The following NCALD variants were observed in gnomAD, a reference collection of about 807,000 sequenced individuals.
The protein encoded by NCALD is neurocalcin delta.
A neutral mutation model predicts 18.6 loss-of-function variants in NCALD; 10 were observed. The ratio of observed to expected loss-of-function variants is 0.54; its 90% CI spans 0.33 to 0.91. The LOEUF (loss-of-function observed/expected upper bound fraction) is 0.91. Among genes scored for constraint, NCALD ranks in the 40% least tolerant of loss-of-function variants. The pLI is 0.03. For synonymous variants in NCALD, 88 were observed against 87.4 expected, an observed-to-expected ratio of 1.01 and a Z score of -0.04; for missense variants, 184 against 247.6, an observed-to-expected ratio of 0.74 and a Z score of 1.72.
chr8:102,080,361 CA>C (rs1342989621), intron 1 of NCALD, among the ~76,000 whole-genome samples: 4 of 152,176 alleles, frequency 2.6e-5, no homozygotes, highest in Admixed American at 1.3e-4. Flanking sequence ...CAGAATTACC[CA>C]AAAACAATAT....
chr8:101,779,748 TTTGA>T, intron 1 of NCALD, among the ~76,000 whole-genome samples: 1 of 152,166 alleles, frequency 6.6e-6, no homozygotes, highest in African/African-American at 2.4e-5. Flanking sequence ...GGTATTTTTG[TTTGA>T]TTATCTGCAG....
At chr8:101,872,633 T>C (rs1309185653) in intron 4 of NCALD, 1 of 453,326 alleles carries the variant, frequency 2.2e-6, no homozygotes, top group East Asian at 4.5e-5. Flanking sequence ...TGGCTGACCC[T>C]TGCAGATATG....
chr8:101,896,293 G>T (rs1308454600), intron 3 of NCALD, among the ~76,000 whole-genome samples: 13 of 151,960 alleles, frequency 8.6e-5, no homozygotes, highest in Non-Finnish European at 2.9e-5. Context: ...AAGTGGTGCT[G>T]GGAAAACTGG....
chr8:102,025,019 T>C (rs1822403924), intron 1 of NCALD, among the ~76,000 whole-genome samples: 2 of 152,186 alleles, frequency 1.3e-5, no homozygotes, highest in Non-Finnish European at 1.5e-5. Context: ...AACCATTATG[T>C]CTTTTTCAAG....
chr8:101,726,783 A>G (rs1012350385), intron 1 of NCALD, among the ~76,000 whole-genome samples: 17 of 152,210 alleles, frequency 1.1e-4, no homozygotes, highest in Non-Finnish European at 2.5e-4. Context: ...TTTACAGCCA[A>G]GGACTGAATG....
At chr8:101,837,616 T>C (rs915693376) in intron 4 of NCALD, among the ~76,000 whole-genome samples, 24 of 152,320 alleles carry the variant, frequency 1.6e-4, no homozygotes, top group African/African-American at 5.3e-4. Context: ...GGAATCACCA[T>C]TATTCTCCAC....
intron 3 of NCALD, among the ~76,000 whole-genome samples, chr8:101,900,623 T>G (rs1435324892): frequency 1.3e-5 from 2 of 152,050 alleles, no homozygotes; most frequent in East Asian, 3.8e-4. Flanking sequence ...AGATTCTATT[T>G]GAAAGTTTGT....
At chr8:102,017,990 G>T (rs906320812) in intron 2 of NCALD, among the ~76,000 whole-genome samples, 6 of 152,154 alleles carry the variant, frequency 3.9e-5, no homozygotes, top group African/African-American at 7.2e-5. Context: ...GACATGAAAA[G>T]GTGTTCAATG....
At chr8:101,985,234 C>CCAGTGGCTG (rs1820764039) in intron 2 of NCALD, among the ~76,000 whole-genome samples, 1 of 152,142 alleles carries the variant, frequency 6.6e-6, no homozygotes, top group Admixed American at 6.5e-5. Context: ...CCACCCCCAG[C>CCAGTGGCTG]CCAAGCTCCC....
intron 1 of NCALD, among the ~76,000 whole-genome samples, chr8:102,035,145 A>T (rs75942048): frequency 0.072 from 10,909 of 152,226 alleles, 514 homozygotes; most frequent in East Asian, 0.12. Context: ...CGCCCAGTGC[A>T]TGGGCCCCAC....
chr8:101,889,325 A>G (rs1046544749), intron 3 of NCALD, among the ~76,000 whole-genome samples: 2 of 152,232 alleles, frequency 1.3e-5, no homozygotes, highest in African/African-American at 4.8e-5. Flanking sequence ...GCCACTGTAG[A>G]AGGATTCTTG....
chr8:102,111,622 A>G (rs1209704871), intron 1 of NCALD, among the ~76,000 whole-genome samples: 1 of 152,200 alleles, frequency 6.6e-6, no homozygotes, highest in Non-Finnish European at 1.5e-5. Flanking sequence ...AAAGTTTTAA[A>G]TAACAACACG....
chr8:101,864,524 C>T (rs956388884), intron 4 of NCALD, among the ~76,000 whole-genome samples: 1 of 151,384 alleles, frequency 6.6e-6, no homozygotes, highest in Non-Finnish European at 1.5e-5. Flanking sequence ...ACAGGATCTT[C>T]ATAAAGACTC....
At chr8:102,057,754 C>T (rs929836717) in intron 1 of NCALD, among the ~76,000 whole-genome samples, 3 of 152,244 alleles carry the variant, frequency 2.0e-5, no homozygotes, top group African/African-American at 7.2e-5. Flanking sequence ...CACTGCCTAA[C>T]TTTCCTTTCC....
intron 1 of NCALD, among the ~76,000 whole-genome samples, chr8:101,782,537 G>A (rs1410744721): frequency 6.6e-6 from 1 of 151,972 alleles, no homozygotes; most frequent in African/African-American, 2.4e-5. Flanking sequence ...CAGCTTAAGT[G>A]GATAAATCCT....
At chr8:102,104,363 G>T (rs1352710003) in intron 1 of NCALD, among the ~76,000 whole-genome samples, 4 of 152,094 alleles carry the variant, frequency 2.6e-5, no homozygotes, top group African/African-American at 9.7e-5. Context: ...GGGGCACCTA[G>T]CAAGAGCCCT....
At chr8:101,962,771 T>C (rs1367580113) in intron 2 of NCALD, among the ~76,000 whole-genome samples, 1 of 152,210 alleles carries the variant, frequency 6.6e-6, no homozygotes, top group Non-Finnish European at 1.5e-5. Context: ...TAATTTGGAA[T>C]AAAGGAGAAT....
At chr8:102,096,979 C>T (rs1455737607) in intron 1 of NCALD, among the ~76,000 whole-genome samples, 1 of 152,206 alleles carries the variant, frequency 6.6e-6, no homozygotes, top group Non-Finnish European at 1.5e-5. Context: ...AATATAGTCA[C>T]ATTCTGAGGT....
chr8:101,902,577 C>CA (rs1817474443), intron 3 of NCALD, among the ~76,000 whole-genome samples: 1 of 152,170 alleles, frequency 6.6e-6, no homozygotes, highest in Non-Finnish European at 1.5e-5. Context: ...ACTGGACCGA[C>CA]AGCCAAGGCA....
Sources: allele counts gnomAD v4.1 joint callset (sites outside exome capture counted in the v4.1 genomes callset), GRCh38; gene constraint gnomAD v4.1.1; transcripts MANE v1.5; gene names NCBI Gene and HGNC (gene_info 2026-07-23, HGNC 2026-07-21).